TMEM109: variants seen among roughly 807,000 people sequenced by gnomAD.
TMEM109 encodes the protein voltage-gated monoatomic cation channel TMEM109.
A neutral mutation model predicts 26.4 loss-of-function variants in TMEM109; 19 were observed. The ratio of observed to expected loss-of-function variants is 0.72; its 90% CI spans 0.50 to 1.06. The LOEUF (loss-of-function observed/expected upper bound fraction) is 1.06. Ranked by LOEUF, TMEM109 falls within the 50% of genes least tolerant of loss-of-function variation. TMEM109 has a pLI of 0.00. For missense variants in TMEM109, 262 were observed against 303.4 expected (o/e 0.86, Z 1.01); for synonymous variants, 129 against 142.0 (o/e 0.91, Z 0.65).
chr11:60,918,611 T>TG (rs1856198662), intron 1 of TMEM109: 1 of 151,812 alleles, frequency 6.6e-6, no homozygotes, highest in Admixed American at 6.6e-5. Context: ...TTTTTTTTTT[T>TG]TTTGGTGGAG....
At chr11:60,919,415 C>A (rs1221476277) in intron 1 of TMEM109, among the ~76,000 whole-genome samples, 3 of 152,206 alleles carry the variant, frequency 2.0e-5, no homozygotes, top group Non-Finnish European at 4.4e-5. Context: ...GAGAGATCTT[C>A]TCGCCAACTC....
Position 60,922,475 on chromosome 11 carries a change from A to C in TMEM109, c.*310A>C. ...GGCTTCTGCATCTGCGCCAGCAAAC[A>C]TCACTGCCGTTGGTCTCTCATGACT... On this transcript the variant is annotated 3_prime_UTR_variant, in exon 4 of 4. Coordinates refer to ENST00000227525, the MANE Select transcript of TMEM109 (RefSeq NM_024092.3). 1 of 1,005,514 alleles carries C rather than the reference A, an allele frequency of 9.9e-7. No individual in the cohort carries two copies. The highest frequency in any genetic ancestry group is 1.4e-6 in the Non-Finnish European group (1 of 706,602). 62.3% of individuals were successfully genotyped at this position (1,005,514 alleles called of 1,614,324 possible).
In TMEM109 at chr11:60,923,221, G is replaced by C. The variant is rs1856272111; in HGVS notation, c.*1056G>C. The C allele has an allele frequency of 2.0e-5, 3 of 152,702 alleles. No individual in the cohort carries two copies. Among genetic ancestry groups the C allele is most frequent in the Non-Finnish European group, 4.4e-5 (3 of 68,060 alleles). 9.5% of individuals were successfully genotyped at this position (152,702 alleles called of 1,614,324 possible). On this transcript the variant is annotated 3_prime_UTR_variant, in exon 4 of 4. Transcript: ENST00000227525. ...CTCTCCACCAGGGTACCCTGTCTTGGTGGTTAGGGGCCACTTTTCCTTTGA... is the reference window on the plus strand; with the variant it reads ...CTCTCCACCAGGGTACCCTGTCTTGCTGGTTAGGGGCCACTTTTCCTTTGA...
Position 60,919,783 on chromosome 11 carries a change from A to C in TMEM109, c.90A>C (p.Ser30=). 1 of 1,614,184 alleles carries C rather than the reference A, an allele frequency of 6.2e-7. No individual in the cohort carries two copies. Among genetic ancestry groups the C allele is most frequent in the Non-Finnish European group, 8.5e-7 (1 of 1,180,034 alleles). The stretch of plus-strand genomic sequence containing the variant: ...TAGTGGCCCTTATCCTCCTCCACTC[A>C]GCATTGGCCCAGTCCCGTCGAGACT... ...MVLVALILLH[S]ALAQSRRDFA... is the part of the protein sequence containing the mutation. Residue 30 remains serine, a synonymous_variant, in exon 2 of 4, where the codon TCA becomes TCC. Coordinates refer to ENST00000227525, the MANE Select transcript of TMEM109 (RefSeq NM_024092.3).
At chr11:60,915,965 G>A (rs1222750084) in intron 1 of TMEM109, among the ~76,000 whole-genome samples, 1 of 152,150 alleles carries the variant, frequency 6.6e-6, no homozygotes, top group Non-Finnish European at 1.5e-5. Context: ...ACAAAACCAT[G>A]GCCTGTAAGC....
At chr11:60,916,204 C>A (rs1025691046) in intron 1 of TMEM109, among the ~76,000 whole-genome samples, 2 of 152,142 alleles carry the variant, frequency 1.3e-5, no homozygotes, top group Non-Finnish European at 2.9e-5. Context: ...CCTCTCTAAG[C>A]CATACTTTTC....
intron 1 of TMEM109, among the ~76,000 whole-genome samples, chr11:60,917,462 A>G (rs1856185469): frequency 6.6e-6 from 1 of 152,212 alleles, no homozygotes; most frequent in Non-Finnish European, 1.5e-5. Flanking sequence ...AGTGGCAAGT[A>G]GAAGTTGAAC....
intron 3 of TMEM109, among the ~76,000 whole-genome samples, chr11:60,921,454 C>G (rs912228532): frequency 6.6e-6 from 1 of 152,134 alleles, no homozygotes; most frequent in Non-Finnish European, 1.5e-5. Flanking sequence ...TCCGCCACCA[C>G]GTGCCAGTTG....
intron 1 of TMEM109, chr11:60,918,926 A>G (rs1379857002): frequency 6.6e-6 from 1 of 152,388 alleles, no homozygotes; most frequent in Non-Finnish European, 1.5e-5. Flanking sequence ...GGACACAGAC[A>G]TCAGTACTTG....
intron 1 of TMEM109, among the ~76,000 whole-genome samples, chr11:60,917,709 A>G (rs964436251): frequency 2.0e-5 from 3 of 152,154 alleles, no homozygotes; most frequent in African/African-American, 7.2e-5. Context: ...AGGATGGGAT[A>G]CAGTGGCATG....
At chr11:60,918,513 T>C (rs1004681104) in intron 1 of TMEM109, 1 of 152,174 alleles carries the variant, frequency 6.6e-6, no homozygotes, top group African/African-American at 2.4e-5. Context: ...CATTAATCCA[T>C]TCATGAGGGC....
intron 1 of TMEM109, 114 bp from the exon 2 acceptor site, chr11:60,919,572 G>A: frequency 1.2e-6 from 1 of 845,054 alleles, no homozygotes; most frequent in Admixed American, 2.0e-5. Context: ...TCTTTCCAGG[G>A]TTAGTTTGGT....
In TMEM109 at chr11:60,922,541, T is replaced by C. The variant is rs1243821112; in HGVS notation, c.*376T>C. The C allele has an allele frequency of 2.2e-6, 1 of 445,254 alleles. No individual in the cohort carries two copies. Among genetic ancestry groups the C allele is most frequent in the African/African-American group, 2.0e-5 (1 of 49,278 alleles). The allele number at this position is 445,254 out of a possible 1,614,324, so 27.6% of individuals were successfully genotyped here. A position where few individuals can be genotyped will look rare whatever the true frequency, so the allele number is the denominator to read the frequency against. On this transcript the variant is annotated 3_prime_UTR_variant, in exon 4 of 4. Transcript: ENST00000227525. Reference sequence around the variant, plus strand: ...TGCTGCTGCCTTGGCTTCCTCCTAATGCTCGTGCTCTCCTGTCCTTCTGAA... The same window carrying C: ...TGCTGCTGCCTTGGCTTCCTCCTAACGCTCGTGCTCTCCTGTCCTTCTGAA...
rs1325493200 is a variant in TMEM109 at position 60,921,761 on chromosome 11, T to C, written c.341-13T>C. 1.2e-6 allele frequency: 2 copies of C among 1,601,814 alleles called. No individual in the cohort carries two copies. The highest frequency in any genetic ancestry group is 1.1e-5 in the South Asian group (1 of 90,316). ...TCCAGGTTGGCTGACTCTGTGACTCTCTTGGCTTCCAGGTGATTACCTCGC... is the reference window on the plus strand; with the variant it reads ...TCCAGGTTGGCTGACTCTGTGACTCCCTTGGCTTCCAGGTGATTACCTCGC... On this transcript the variant is annotated splice_polypyrimidine_tract_variant and intron_variant, in intron 3 of 3. Transcript: ENST00000227525.
chr11:60,919,900 T>C lies in TMEM109; in HGVS notation c.207T>C (p.Ile69=). 6.2e-7 allele frequency: 1 copy of C among 1,614,184 alleles called. No homozygotes were observed. The highest frequency in any genetic ancestry group is 1.7e-5 in the Admixed American group (1 of 60,034). The change falls in exon 2 of 4, where the codon ATT becomes ATC. Residue 69 remains isoleucine (I), a synonymous_variant. Transcript: ENST00000227525. ...RSVRGTLDAW[I]GPETMHLVSE... ...TGCGAGGGACACTGGATGCCTGGAT[T>C]GGGCCAGAGACCATGCACCTGGTGT...
chr11:60,917,113 G>T (rs7113040), intron 1 of TMEM109, among the ~76,000 whole-genome samples: 5 of 151,914 alleles, frequency 3.3e-5, no homozygotes, highest in Admixed American at 1.3e-4. Context: ...GACCCTCCAG[G>T]CTTCTGGAAG....
chr11:60,922,643 T>C lies in TMEM109; in HGVS notation c.*478T>C, dbSNP rs555677139. 57 of 333,168 alleles carry C rather than the reference T, an allele frequency of 1.7e-4. No homozygotes were observed. The highest frequency in any genetic ancestry group is 1.1e-3 in the African/African-American group (52 of 46,574). The allele number at this position is 333,168 out of a possible 1,614,324, so 20.6% of individuals were successfully genotyped here. A position where few individuals can be genotyped will look rare whatever the true frequency, so the allele number is the denominator to read the frequency against. ...ACCCTGTACTCCCACCAAACCATGGTCCTTTAAGGCACGCTCCTGTCCTCC... is the reference window on the plus strand; with the variant it reads ...ACCCTGTACTCCCACCAAACCATGGCCCTTTAAGGCACGCTCCTGTCCTCC... On this transcript the variant is annotated 3_prime_UTR_variant, in exon 4 of 4. Transcript: ENST00000227525.
At position 60,922,679 on chromosome 11, in the gene TMEM109, G is replaced by T; in HGVS notation, c.*514G>T. ...ACGCTCCTGTCCTCCTCATTGCCCA[G>T]CAGTAGGGAGGGGCAGGGGTAAGGG... is the stretch of plus-strand genomic sequence containing the variant. On this transcript the variant is annotated 3_prime_UTR_variant, in exon 4 of 4. Transcript: ENST00000227525. 1 of 260,880 alleles carries T rather than the reference G, an allele frequency of 3.8e-6. No individual in the cohort carries two copies. Among genetic ancestry groups the T allele is most frequent in the Non-Finnish European group, 7.7e-6 (1 of 129,754 alleles). The allele number at this position is 260,880 out of a possible 1,614,324, so 16.2% of individuals were successfully genotyped here.
rs1307233197 is a variant in TMEM109 at position 60,920,918 on chromosome 11, A to C, written c.270A>C (p.Ser90=). The C allele has an allele frequency of 2.5e-6, 4 of 1,614,002 alleles. No individual in the cohort carries two copies. The highest frequency in any genetic ancestry group is 3.4e-6 in the Non-Finnish European group (4 of 1,179,998). ...CCCAAGTGTTGTGGGCCATCTCATC[A>C]GCCATTTCTGTGGCCTTCTTTGCTC... ...SSSQVLWAIS[S]AISVAFFALS... The change falls in exon 3 of 4, where the codon TCA becomes TCC. Residue 90 remains serine (S), a synonymous_variant. Coordinates refer to ENST00000227525, the MANE Select transcript of TMEM109 (RefSeq NM_024092.3).
Sources: allele counts gnomAD v4.1 joint callset (sites outside exome capture counted in the v4.1 genomes callset), GRCh38; gene constraint gnomAD v4.1.1; transcripts MANE v1.5; gene names NCBI Gene and HGNC (gene_info 2026-07-23, HGNC 2026-07-21).